AAGAB: variants seen among roughly 807,000 people sequenced by gnomAD.
AAGAB encodes alpha and gamma adaptin binding protein, also known as alpha- and gamma-adaptin-binding protein p34.
AAGAB carries 38 observed loss-of-function variants against 44.1 expected under a neutral mutation model. The observed-to-expected ratio is 0.86, with a 90% confidence interval of 0.67 to 1.13. The LOEUF (loss-of-function observed/expected upper bound fraction) is 1.13, where lower values mean the gene tolerates loss of function less well. Among genes scored for constraint, AAGAB ranks in the 50% most tolerant of loss-of-function variants. The pLI, the probability that AAGAB is intolerant of heterozygous loss-of-function variation, is 0.00. For missense variants in AAGAB, 450 were observed against 373.8 expected, an observed-to-expected ratio of 1.20 and a Z score of -1.68; for synonymous variants, 131 against 131.8, an observed-to-expected ratio of 0.99 and a Z score of 0.04.
At position 67,200,995 on chromosome 15, in the gene AAGAB, A is replaced by C. The variant is rs917023340; in HGVS notation, c.*1826T>G. On this transcript the variant is annotated 3_prime_UTR_variant, in exon 10 of 10. Coordinates refer to ENST00000261880, the MANE Select transcript of AAGAB (RefSeq NM_024666.5). ...CCTCACTCATACCCCCTAATAAAAA[A>C]CCACAAAATCATAATAATAGACATT... 1 of 152,342 alleles carries C rather than the reference A, an allele frequency of 6.6e-6. No homozygotes were observed. Among genetic ancestry groups the C allele is most frequent in the African/African-American group, 2.4e-5 (1 of 41,452 alleles). The allele number at this position is 152,342 out of a possible 1,614,324, so 9.4% of individuals were successfully genotyped here.
intron 1 of AAGAB, among the ~76,000 whole-genome samples, chr15:67,253,170 A>G (rs1241983549): frequency 6.6e-6 from 1 of 151,254 alleles, no homozygotes; most frequent in Non-Finnish European, 1.5e-5. Context: ...CACACCTGTA[A>G]TCCCAGCACT....
At chr15:67,236,239 A>T (rs974416499) in intron 3 of AAGAB, among the ~76,000 whole-genome samples, 169 bp downstream of exon 3, 1 of 151,800 alleles carries the variant, frequency 6.6e-6, no homozygotes, top group Non-Finnish European at 1.5e-5. Context: ...ATCCATTCTT[A>T]AAAAAAAAGT....
chr15:67,217,865 C>G (rs1375962023), intron 5 of AAGAB, among the ~76,000 whole-genome samples: 1 of 152,238 alleles, frequency 6.6e-6, no homozygotes, highest in Non-Finnish European at 1.5e-5. Context: ...CTGCTCTGTA[C>G]AGCAGGTGCA....
intron 5 of AAGAB, among the ~76,000 whole-genome samples, chr15:67,217,544 T>C (rs1963978767): frequency 6.6e-6 from 1 of 152,136 alleles, no homozygotes; most frequent in Non-Finnish European, 1.5e-5. Flanking sequence ...CACATTTCTT[T>C]TTTTATTTTT....
Position 67,201,346 on chromosome 15 carries a change from A to T in AAGAB, c.*1475T>A, listed in dbSNP as rs552764441. The T allele has an allele frequency of 1.3e-5, 2 of 151,848 alleles. No individual in the cohort carries two copies. The highest frequency in any genetic ancestry group is 2.4e-5 in the African/African-American group (1 of 41,374). 9.4% of individuals were successfully genotyped at this position (151,848 alleles called of 1,614,324 possible). On this transcript the variant is annotated 3_prime_UTR_variant, in exon 10 of 10. Transcript: ENST00000261880. The stretch of plus-strand genomic sequence containing the variant: ...AAGCAATGTCCAGTGTTCCCTGGAA[A>T]GCCTCTTCCTGAATGCTCCAGTCAC...
chr15:67,226,340 T>C (rs928912710), intron 5 of AAGAB, among the ~76,000 whole-genome samples: 1 of 152,146 alleles, frequency 6.6e-6, no homozygotes, highest in African/African-American at 2.4e-5. Flanking sequence ...CAGGTTGGTT[T>C]TGAATGCCTG....
chr15:67,232,034 A>AGT, intron 4 of AAGAB, 137 bp from the exon 5 acceptor site: 1 of 605,684 alleles, frequency 1.7e-6, no homozygotes, highest in Non-Finnish European at 3.0e-6. Flanking sequence ...AGGGCAGATT[A>AGT]CCTGAGGTCG....
In AAGAB at chr15:67,204,106, G is replaced by T; in HGVS notation, c.758C>A (p.Thr253Asn). Residue 253 changes from threonine to asparagine, a missense_variant, in exon 8 of 10, where the codon ACC becomes AAC. Physicochemically the swap from Thr to Asn is moderately conservative, Grantham distance 65. Transcript: ENST00000261880. Reference protein sequence around the residue: ...DLDIQELASLTTGGGDVENFE... With the variant: ...DLDIQELASLNTGGGDVENFE... ...ATTCTCCACATCTCCTCCTCCAGTG[G>T]TAAGACTGGCTAATTCTTGAATATC... The T allele has an allele frequency of 1.2e-6, 2 of 1,612,080 alleles. No individual in the cohort carries two copies. The highest frequency in any genetic ancestry group is 1.7e-6 in the Non-Finnish European group (2 of 1,178,488).
intron 1 of AAGAB, among the ~76,000 whole-genome samples, chr15:67,243,242 G>C (rs1160858007): frequency 6.6e-6 from 1 of 152,110 alleles, no homozygotes; most frequent in Non-Finnish European, 1.5e-5. Context: ...GAAGCCATCA[G>C]GAAAGGGAGA....
intron 1 of AAGAB, among the ~76,000 whole-genome samples, chr15:67,245,072 C>G (rs1317622827): frequency 1.3e-5 from 2 of 152,104 alleles, no homozygotes; most frequent in African/African-American, 4.8e-5. Flanking sequence ...TAAAATGGTG[C>G]AGCCACTCTG....
At chr15:67,213,058 T>A (rs1282170799) in intron 5 of AAGAB, among the ~76,000 whole-genome samples, 1 of 152,208 alleles carries the variant, frequency 6.6e-6, no homozygotes, top group Admixed American at 6.5e-5. Flanking sequence ...CCTCCTCAGC[T>A]GATTCTTATG....
chr15:67,254,867 C>A, upstream of AAGAB: 5 of 1,610,492 alleles, frequency 3.1e-6, no homozygotes, highest in Non-Finnish European at 4.2e-6. Context: ...AACCGCGCCT[C>A]CGCGGAGGTA....
rs572629201 is a variant in AAGAB at position 67,254,393 on chromosome 15, T to C, written c.73+166A>G. 64 of 1,413,198 alleles carry C rather than the reference T, an allele frequency of 4.5e-5. No individual in the cohort carries two copies. In the Admixed American group the frequency reaches 6.7e-4, roughly 15 times the overall value. 87.5% of individuals were successfully genotyped at this position (1,413,198 alleles called of 1,614,324 possible). On this transcript the variant is annotated intron_variant, in intron 1 of 9. Transcript: ENST00000261880. Reference sequence around the variant, plus strand: ...GCCGAGTGGGCAGAAAAGCACGAGATTAAGAGATAGGGGCAGCCACCTGGG... The same window carrying C: ...GCCGAGTGGGCAGAAAAGCACGAGACTAAGAGATAGGGGCAGCCACCTGGG...
chr15:67,225,640 T>C (rs909840039), intron 5 of AAGAB, among the ~76,000 whole-genome samples: 2 of 152,222 alleles, frequency 1.3e-5, no homozygotes, highest in African/African-American at 4.8e-5. Flanking sequence ...ATGAATGAAA[T>C]CCTATAATAT....
intron 5 of AAGAB, among the ~76,000 whole-genome samples, chr15:67,227,158 A>G (rs145612311): frequency 7.9e-5 from 12 of 152,340 alleles, no homozygotes; most frequent in Admixed American, 2.0e-4. Context: ...ATTACTGCTC[A>G]ATAAATACTA....
intron 1 of AAGAB, among the ~76,000 whole-genome samples, chr15:67,243,077 A>G (rs1964641199): frequency 6.6e-6 from 1 of 151,678 alleles, no homozygotes; most frequent in East Asian, 1.9e-4. Context: ...TTTTTCCTCA[A>G]GTTTACTTTC....
chr15:67,203,602 G>C lies in AAGAB; in HGVS notation c.821-5C>G. ...GAGGAAGCGTCGCAGCCTTGTCTAG[G>C]GGGAAAATATATCTTAAGAAATTTG... On this transcript the variant is annotated splice_polypyrimidine_tract_variant and splice_region_variant and intron_variant, in intron 8 of 9. Transcript: ENST00000261880. 2 of 1,613,016 alleles carry C rather than the reference G, an allele frequency of 1.2e-6. No individual in the cohort carries two copies. Among genetic ancestry groups the C allele is most frequent in the Non-Finnish European group, 1.7e-6 (2 of 1,179,654 alleles).
In AAGAB at chr15:67,201,297, A is replaced by C. The variant is rs1009718308; in HGVS notation, c.*1524T>G. 2 of 151,794 alleles carry C rather than the reference A, an allele frequency of 1.3e-5. No individual in the cohort carries two copies. Among genetic ancestry groups the C allele is most frequent in the Admixed American group, 6.6e-5 (1 of 15,224 alleles). 9.4% of individuals were successfully genotyped at this position (151,794 alleles called of 1,614,324 possible). A position where few individuals can be genotyped will look rare whatever the true frequency, so the allele number is the denominator to read the frequency against. On this transcript the variant is annotated 3_prime_UTR_variant, in exon 10 of 10. Coordinates refer to ENST00000261880, the MANE Select transcript of AAGAB (RefSeq NM_024666.5). ...CTTTCAGAACAGTAAAAGAAAAAAA[A>C]AAAAAAAGGAACAAAAGGTCACTAA...
chr15:67,236,845 AT>A, intron 1 of AAGAB, 25 bp from the exon 2 acceptor site: 1 of 1,566,830 alleles, frequency 6.4e-7, no homozygotes, highest in Non-Finnish European at 8.7e-7. Flanking sequence ...CAACATTACC[AT>A]GTAAAGTGCA....
Sources: gnomAD v4.1 joint callset for allele counts (sites outside exome capture counted in the v4.1 genomes callset) on GRCh38, gnomAD v4.1.1 for gene constraint, MANE v1.5 for transcripts, NCBI Gene and HGNC (gene_info 2026-07-23, HGNC 2026-07-21) for gene names.